The following HMGN5 variants were observed in gnomAD, a reference collection of about 807,000 sequenced individuals.
The protein encoded by HMGN5 is high mobility group nucleosome binding domain 5, also known as high mobility group nucleosome-binding domain-containing protein 5.
Under a neutral mutation model 9.5 loss-of-function variants are expected in HMGN5, and 4 were observed. That is an observed-to-expected ratio of 0.42 (90% CI 0.21 to 0.96). The LOEUF is 0.96. Among genes scored for constraint, HMGN5 ranks in the 40% least tolerant of loss-of-function variants. HMGN5 has a pLI of 0.30. For missense variants in HMGN5, 192 were observed against 187.5 expected, an observed-to-expected ratio of 1.02 and a Z score of -0.14; for synonymous variants, 55 against 57.1, an observed-to-expected ratio of 0.96 and a Z score of 0.16.
rs769568192 is a variant in HMGN5 at position 81,118,477 on chromosome X, C to A, written c.84G>T (p.Val28=). The A allele has an allele frequency of 4.2e-5, 49 of 1,173,801 alleles. No individual in the cohort carries two copies. Among genetic ancestry groups the A allele is most frequent in the Non-Finnish European group, 5.5e-5 (48 of 870,286 alleles). The change falls in exon 5 of 7, where the codon GTG becomes GTT. Residue 28 remains valine (V), a synonymous_variant. Transcript: ENST00000358130. ...RRSARLSAML[V]PVTPEVKPKR... is the part of the protein sequence containing the mutation. The stretch of plus-strand genomic sequence containing the variant: ...TAGGCTTCACCTCTGGTGTAACTGG[C>A]ACAAGCATCTGCTTCAAGTTGTGGG...
At chrX:81,161,882 TA>T (rs2075398405) in intron 1 of HMGN5, among the ~76,000 whole-genome samples, 1 of 109,630 alleles carries the variant, frequency 9.1e-6, no homozygotes, top group South Asian at 3.7e-4. Flanking sequence ...ATATACGAGC[TA>T]AAGGTTTGAC....
At chrX:81,164,034 G>A (rs2075404608) in intron 1 of HMGN5, among the ~76,000 whole-genome samples, 1 of 111,727 alleles carries the variant, frequency 9.0e-6, no homozygotes, top group South Asian at 3.7e-4. Context: ...GGTTGGAACA[G>A]AAATGTCAGA....
intron 1 of HMGN5, among the ~76,000 whole-genome samples, chrX:81,146,536 G>C (rs1228744391): frequency 9.0e-6 from 1 of 111,606 alleles, no homozygotes; most frequent in Non-Finnish European, 1.9e-5. Flanking sequence ...ATGCTCACAA[G>C]AGAAAGAAAG....
intron 1 of HMGN5, among the ~76,000 whole-genome samples, chrX:81,145,209 G>A (rs1447441194): frequency 1.8e-5 from 2 of 111,604 alleles, no homozygotes; most frequent in Non-Finnish European, 3.8e-5. Flanking sequence ...GATTCACCAA[G>A]GTTGAAATGA....
At chrX:81,187,150 C>T (rs915715018) in intron 1 of HMGN5, among the ~76,000 whole-genome samples, 2 of 111,589 alleles carry the variant, frequency 1.8e-5, no homozygotes, top group African/African-American at 6.5e-5. Flanking sequence ...GATCCATGTG[C>T]TGAGAAGAAT....
At chrX:81,186,273 C>T (rs902950181) in intron 1 of HMGN5, among the ~76,000 whole-genome samples, 27 of 111,799 alleles carry the variant, frequency 2.4e-4, no homozygotes, top group African/African-American at 7.4e-4. Flanking sequence ...CTTTCTATTA[C>T]GGCTTCAATC....
At chrX:81,169,227 A>T (rs1466459226) in intron 1 of HMGN5, among the ~76,000 whole-genome samples, 5 of 111,429 alleles carry the variant, frequency 4.5e-5, no homozygotes, top group Admixed American at 9.6e-5. Flanking sequence ...ATCCTGGGGG[A>T]GGATGTGATT....
intron 1 of HMGN5, among the ~76,000 whole-genome samples, chrX:81,139,668 G>A (rs1291641646): frequency 9.0e-6 from 1 of 111,653 alleles, no homozygotes; most frequent in Admixed American, 9.5e-5. Flanking sequence ...ACAGTGCAGG[G>A]AGCAACTCCA....
intron 1 of HMGN5, among the ~76,000 whole-genome samples, chrX:81,193,331 G>T (rs1046739099): frequency 8.9e-5 from 10 of 112,011 alleles, no homozygotes; most frequent in African/African-American, 3.2e-4. Context: ...ATTTACATCT[G>T]AGCTTAATGT....
chrX:81,172,235 T>C (rs1455437917), intron 1 of HMGN5, among the ~76,000 whole-genome samples: 1 of 110,876 alleles, frequency 9.0e-6, no homozygotes, highest in Non-Finnish European at 1.9e-5. Flanking sequence ...AAAAACCAAA[T>C]GTGTGGACAT....
intron 1 of HMGN5, among the ~76,000 whole-genome samples, chrX:81,175,981 C>A (rs925145984): frequency 8.9e-6 from 1 of 111,865 alleles, no homozygotes; most frequent in African/African-American, 3.3e-5. Context: ...TCAAGTGGGT[C>A]CCTGACCCCT....
chrX:81,116,037 T>C (rs1180481159), intron 6 of HMGN5, among the ~76,000 whole-genome samples, 167 bp downstream of exon 6: 1 of 112,050 alleles, frequency 8.9e-6, no homozygotes, highest in Non-Finnish European at 1.9e-5. Flanking sequence ...CTCTAAATTC[T>C]CATATTTTAA....
intron 1 of HMGN5, among the ~76,000 whole-genome samples, chrX:81,145,914 T>C (rs5959821): frequency 0.045 from 4,989 of 111,183 alleles, 283 homozygotes; most frequent in African/African-American, 0.15. Context: ...AGGAGCATTA[T>C]ATAGTGGTAA....
At chrX:81,174,883 C>T (rs960490850) in intron 1 of HMGN5, among the ~76,000 whole-genome samples, 1 of 111,086 alleles carries the variant, frequency 9.0e-6, no homozygotes, top group Non-Finnish European at 1.9e-5. Context: ...TATATGACTC[C>T]ATTCCAAAAA....
intron 1 of HMGN5, among the ~76,000 whole-genome samples, chrX:81,141,582 T>A (rs73631722): frequency 0.033 from 3,690 of 111,142 alleles, 159 homozygotes; most frequent in African/African-American, 0.11. Flanking sequence ...ATTCTCCCAG[T>A]TCTTGCCCAA....
intron 1 of HMGN5, among the ~76,000 whole-genome samples, chrX:81,175,717 T>A (rs1470364814): frequency 9.0e-6 from 1 of 111,264 alleles, no homozygotes; most frequent in East Asian, 2.8e-4. Flanking sequence ...TGTAGGCCAA[T>A]AATCTGTTAT....
At chrX:81,141,677 G>C (rs2075330509) in intron 1 of HMGN5, among the ~76,000 whole-genome samples, 1 of 111,562 alleles carries the variant, frequency 9.0e-6, no homozygotes, top group East Asian at 2.8e-4. Flanking sequence ...ATACAGCTTG[G>C]AACACAGCAC....
chrX:81,194,019 C>T (rs941034950), intron 1 of HMGN5, among the ~76,000 whole-genome samples: 7 of 111,255 alleles, frequency 6.3e-5, no homozygotes, highest in East Asian at 2.8e-4. Flanking sequence ...AACAGACTCA[C>T]GCATGTATAA....
Position 81,116,332 on chromosome X carries a change from T to C in HMGN5, c.139A>G (p.Thr47Ala). Reference protein sequence around the residue: ...KRTSSSRKMKTKSDMMEENID... With the variant: ...KRTSSSRKMKAKSDMMEENID... ...TTTTCTTCCATCATATCACTTTTTG[T>C]CTTCATTTTCTGCCAAGCAATATAA... Residue 47 changes from threonine to alanine, a missense_variant, in exon 6 of 7, where the codon ACA becomes GCA. Coordinates refer to ENST00000358130, the MANE Select transcript of HMGN5 (RefSeq NM_030763.3). 2 of 1,181,292 alleles carry C rather than the reference T, an allele frequency of 1.7e-6. No homozygotes were observed. Among genetic ancestry groups the C allele is most frequent in the Non-Finnish European group, 2.3e-6 (2 of 871,881 alleles).
Sources: allele counts gnomAD v4.1 joint callset (sites outside exome capture counted in the v4.1 genomes callset), GRCh38; gene constraint gnomAD v4.1.1; transcripts MANE v1.5; gene names NCBI Gene and HGNC (gene_info 2026-07-23, HGNC 2026-07-21).